Variants in ATP10B observed in about 807,000 individuals in gnomAD.
ATP10B encodes phospholipid-transporting ATPase VB.
Under a neutral mutation model 141.2 loss-of-function variants are expected in ATP10B, and 122 were observed. The ratio of observed to expected loss-of-function variants is 0.86; its 90% CI spans 0.75 to 1.00. The LOEUF is 1.00. Among genes scored for constraint, ATP10B ranks in the 50% least tolerant of loss-of-function variants. The probability of loss-of-function intolerance (pLI) is 0.00; values close to 1 mark genes in which losing one functional copy is unlikely to be tolerated. For missense variants in ATP10B, 1,876 were observed against 1,825.3 expected, an observed-to-expected ratio of 1.03 and a Z score of -0.51; for synonymous variants, 685 against 692.0, an observed-to-expected ratio of 0.99 and a Z score of 0.16.
At chr5:160,845,943 T>C (rs1220759226) in intron 1 of ATP10B, among the ~76,000 whole-genome samples, 1 of 152,192 alleles carries the variant, frequency 6.6e-6, no homozygotes, top group Non-Finnish European at 1.5e-5. Context: ...AGTACTATTG[T>C]TTTTATGATC....
At chr5:160,637,376 C>T (rs938414140) in intron 10 of ATP10B, among the ~76,000 whole-genome samples, 2 of 152,140 alleles carry the variant, frequency 1.3e-5, no homozygotes, top group Admixed American at 6.5e-5. Context: ...CCCATTCATC[C>T]CTCCCTCTGT....
chr5:160,784,906 A>G (rs908566646), intron 2 of ATP10B, among the ~76,000 whole-genome samples: 18 of 152,176 alleles, frequency 1.2e-4, no homozygotes, highest in African/African-American at 3.9e-4. Context: ...TTTTGTTTAT[A>G]TATCCCCTTT....
At chr5:160,723,239 G>A (rs944520633) in intron 2 of ATP10B, among the ~76,000 whole-genome samples, 16 of 152,202 alleles carry the variant, frequency 1.1e-4, no homozygotes, top group Admixed American at 1.3e-4. Context: ...AGGTTGAAAT[G>A]CTGTTGCAGA....
intron 7 of ATP10B, among the ~76,000 whole-genome samples, chr5:160,665,612 A>G (rs930415452): frequency 6.6e-6 from 1 of 152,228 alleles, no homozygotes; most frequent in Non-Finnish European, 1.5e-5. Context: ...GTAAACTGTA[A>G]TCTGACTTGA....
intron 1 of ATP10B, among the ~76,000 whole-genome samples, chr5:160,816,388 A>T (rs554226111): frequency 6.6e-6 from 1 of 152,262 alleles, no homozygotes; most frequent in Non-Finnish European, 1.5e-5. Context: ...ATGCAAATAC[A>T]CTAGAAAATC....
At chr5:160,917,486 G>A in the ATP10B span, among the ~76,000 whole-genome samples, 4 of 152,064 alleles carry the variant, frequency 2.6e-5, no homozygotes, top group African/African-American at 9.7e-5. Flanking sequence ...ACGCTTTGGG[G>A]TGGTTTGGCA....
At chr5:160,658,437 A>G (rs1761657740) in intron 7 of ATP10B, among the ~76,000 whole-genome samples, 1 of 152,230 alleles carries the variant, frequency 6.6e-6, no homozygotes, top group East Asian at 1.9e-4. Context: ...ATGGTCACAC[A>G]TAAGTTAGGT....
chr5:160,816,476 C>T (rs1459654943), intron 1 of ATP10B, among the ~76,000 whole-genome samples: 4 of 152,016 alleles, frequency 2.6e-5, no homozygotes, highest in Non-Finnish European at 5.9e-5. Flanking sequence ...TCTGAATAGA[C>T]CAATAACAGG....
chr5:160,732,809 G>T (rs1766836650), intron 2 of ATP10B, among the ~76,000 whole-genome samples: 1 of 152,018 alleles, frequency 6.6e-6, no homozygotes, highest in Non-Finnish European at 1.5e-5. Flanking sequence ...AGAATTTTTG[G>T]ATTTTTCTTT....
intron 1 of ATP10B, among the ~76,000 whole-genome samples, chr5:160,833,975 A>G (rs1290023425): frequency 6.6e-6 from 1 of 152,130 alleles, no homozygotes; most frequent in African/African-American, 2.4e-5. Context: ...TTTTTCTACC[A>G]TACTTGTGGG....
intron 17 of ATP10B, among the ~76,000 whole-genome samples, chr5:160,613,213 C>A (rs1757819107): frequency 6.6e-6 from 1 of 152,148 alleles, no homozygotes; most frequent in Admixed American, 6.5e-5. Flanking sequence ...TGGGCTTATG[C>A]TGAGGAAGTG....
intron 14 of ATP10B, among the ~76,000 whole-genome samples, chr5:160,621,738 AG>A (rs1309927284): frequency 1.3e-5 from 2 of 152,196 alleles, no homozygotes; most frequent in East Asian, 3.8e-4. Flanking sequence ...CACAGCTCAC[AG>A]GGGTGATTGG....
intron 13 of ATP10B, among the ~76,000 whole-genome samples, chr5:160,631,154 T>C (rs1169113950): frequency 6.6e-6 from 1 of 152,212 alleles, no homozygotes; most frequent in Non-Finnish European, 1.5e-5. Context: ...GGTAGCCCTT[T>C]GGGTCCCATC....
At chr5:160,779,681 C>G (rs1487459333) in intron 2 of ATP10B, among the ~76,000 whole-genome samples, 2 of 152,150 alleles carry the variant, frequency 1.3e-5, no homozygotes, top group Non-Finnish European at 2.9e-5. Flanking sequence ...ACAGAGAACT[C>G]AGGTAAGCTG....
intron 1 of ATP10B, among the ~76,000 whole-genome samples, chr5:160,838,804 G>A (rs528170812): frequency 2.6e-5 from 4 of 152,300 alleles, no homozygotes; most frequent in African/African-American, 9.6e-5. Context: ...ATACTGAAAT[G>A]TGATTCCCAG....
Position 160,674,413 on chromosome 5 carries a change from T to G in ATP10B, c.471-3746A>C, listed in dbSNP as rs1469496567. Among the ~76,000 whole-genome samples the G allele has an allele frequency of 3.3e-5, 5 of 152,096 alleles. No individual in the cohort carries two copies. In the East Asian group the frequency reaches 9.6e-4, roughly 29 times the overall value. On this transcript the variant is annotated intron_variant, in intron 6 of 25. Coordinates refer to ENST00000327245, the MANE Select transcript of ATP10B (RefSeq NM_025153.3). ...GTCACTTCTGTGAGCTGGGCTGGAG[T>G]ATTGTCCTGTCAAGTCCTGTCATGA...
At chr5:160,876,941 A>C in the ATP10B span, among the ~76,000 whole-genome samples, 1 of 142,534 alleles carries the variant, frequency 7.0e-6, no homozygotes, top group South Asian at 2.3e-4. Context: ...TTCACAGCCG[A>C]ATTCTACCAG....
intron 2 of ATP10B, among the ~76,000 whole-genome samples, chr5:160,743,019 G>C (rs567541837): frequency 7.4e-4 from 112 of 152,300 alleles, no homozygotes; most frequent in African/African-American, 2.6e-3. Context: ...GATGATAGAG[G>C]TAATAGTGTG....
At chr5:160,877,187 T>C in the ATP10B span, among the ~76,000 whole-genome samples, 1 of 152,068 alleles carries the variant, frequency 6.6e-6, no homozygotes. Flanking sequence ...TTATCCACCA[T>C]GATCAAGTGG....
Sources: allele counts gnomAD v4.1 joint callset (sites outside exome capture counted in the v4.1 genomes callset), GRCh38; gene constraint gnomAD v4.1.1; transcripts MANE v1.5; gene names NCBI Gene and HGNC (gene_info 2026-07-23, HGNC 2026-07-21).